Variants in LSM12 observed in about 807,000 individuals in gnomAD.
The protein encoded by LSM12 is LSM12 homolog.
For missense variants in LSM12, 108 were observed against 238.9 expected, an observed-to-expected ratio of 0.45 and a Z score of 3.61; for synonymous variants, 74 against 87.3, an observed-to-expected ratio of 0.85 and a Z score of 0.85.
At chr17:44,036,383 C>A in intron 4 of LSM12, 83 bp from the exon 5 acceptor site, 1 of 1,562,496 alleles carries the variant, frequency 6.4e-7, no homozygotes, top group Admixed American at 1.7e-5. Flanking sequence ...GTTTCCACAG[C>A]CCCATCCTGG....
chr17:44,046,975 C>A (rs2144085543), intron 2 of LSM12, among the ~76,000 whole-genome samples: 1 of 151,576 alleles, frequency 6.6e-6, no homozygotes, highest in South Asian at 2.1e-4. Flanking sequence ...CGTGATCCAC[C>A]CGCCTCGACC....
chr17:44,048,018 A>AAC (rs57164806), intron 2 of LSM12, among the ~76,000 whole-genome samples: 13,868 of 137,276 alleles, frequency 0.1, 789 homozygotes, highest in Middle Eastern at 0.16. Context: ...GTCCGTATTA[A>AAC]ACACACACAC....
chr17:44,040,903 G>A (rs2049479061), intron 2 of LSM12, among the ~76,000 whole-genome samples: 2 of 151,380 alleles, frequency 1.3e-5, no homozygotes. Context: ...AGAATTGCTT[G>A]AACCCAGGAG....
chr17:44,050,969 A>T (rs555684635), intron 2 of LSM12, among the ~76,000 whole-genome samples: 226 of 152,102 alleles, frequency 1.5e-3, no homozygotes, highest in African/African-American at 4.8e-3. Flanking sequence ...CCTACAAAAA[A>T]TTTTTTAACA....
intron 2 of LSM12, among the ~76,000 whole-genome samples, chr17:44,047,742 G>GT (rs528238771): frequency 0.16 from 22,597 of 140,898 alleles, 2,082 homozygotes; most frequent in Non-Finnish European, 0.22. Context: ...TGTTTGTTCT[G>GT]TTTTTTTTTT....
chr17:44,038,688 C>A (rs228754), intron 3 of LSM12, among the ~76,000 whole-genome samples: 116,259 of 152,034 alleles, frequency 0.76, 45,252 homozygotes, highest in East Asian at 0.93. Flanking sequence ...TCCCCATCTT[C>A]CTATGATCTG....
intron 2 of LSM12, among the ~76,000 whole-genome samples, chr17:44,042,124 TA>T (rs1352884435): frequency 1.3e-5 from 2 of 152,002 alleles, no homozygotes; most frequent in Non-Finnish European, 2.9e-5. Flanking sequence ...CCGTCTCTAC[TA>T]AAAATACAAA....
At chr17:44,064,073 G>T in intron 1 of LSM12, 139 bp from the exon 2 acceptor site, 2 of 898,430 alleles carry the variant, frequency 2.2e-6, no homozygotes, top group Non-Finnish European at 3.3e-6. Context: ...AAGAATCACG[G>T]TTCTCCTCAG....
At chr17:44,051,868 G>A (rs554282510) in intron 2 of LSM12, among the ~76,000 whole-genome samples, 3 of 152,174 alleles carry the variant, frequency 2.0e-5, no homozygotes, top group East Asian at 1.9e-4. Flanking sequence ...AGCATTTTGA[G>A]AGGCCGAGGC....
In LSM12 at chr17:44,059,887, G is replaced by A. The variant is rs139294202; in HGVS notation, c.258+3914C>T. Among the ~76,000 whole-genome samples, 185 of 152,270 alleles carry A rather than the reference G, an allele frequency of 1.2e-3. 1 individual carries two copies. Among genetic ancestry groups the A allele is most frequent in the African/African-American group, 4.1e-3 (170 of 41,564 alleles). ...CCTTTGACTAAAGTTAGAGTAGGCC[G>A]GGTGTGGTGGCTCAAGCCTGTAATC... On this transcript the variant is annotated intron_variant, in intron 2 of 4. Transcript: ENST00000293406.
intron 2 of LSM12, among the ~76,000 whole-genome samples, chr17:44,055,285 A>G (rs1308782412): frequency 6.6e-6 from 1 of 152,090 alleles, no homozygotes; most frequent in African/African-American, 2.4e-5. Context: ...ACTTCCTAGT[A>G]AAGTATACAT....
chr17:44,046,315 G>A (rs779372826), intron 2 of LSM12, among the ~76,000 whole-genome samples: 2 of 152,056 alleles, frequency 1.3e-5, no homozygotes, highest in Admixed American at 6.6e-5. Context: ...TTTTACTTTT[G>A]TTAGGTAGAT....
chr17:44,066,657 C>CCGCGA lies in LSM12; in HGVS notation c.-75_-71dup, dbSNP rs1567964860. On this transcript the variant is annotated 5_prime_UTR_variant, in exon 1 of 5. Transcript: ENST00000293406. ...GCGAAAGCCGGGCCCCCAGTGAGCGCCGCGACGCGACGGCGCGCACGGAGC... is the reference window on the plus strand; with the variant it reads ...GCGAAAGCCGGGCCCCCAGTGAGCGCCGCGACGCGACGCGACGGCGCGCACGGAGC... 14 of 1,268,560 alleles carry CCGCGA rather than the reference C, an allele frequency of 1.1e-5. No homozygotes were observed. The highest frequency in any genetic ancestry group is 3.1e-5 in the African/African-American group (2 of 63,712). 78.6% of individuals were successfully genotyped at this position (1,268,560 alleles called of 1,614,324 possible). A position where few individuals can be genotyped will look rare whatever the true frequency, so the allele number is the denominator to read the frequency against.
chr17:44,038,967 G>T (rs72822645), intron 3 of LSM12, among the ~76,000 whole-genome samples: 5 of 152,220 alleles, frequency 3.3e-5, no homozygotes, highest in South Asian at 2.1e-4. Flanking sequence ...AGTGTGGGGT[G>T]GGGGGAGGCG....
intron 2 of LSM12, among the ~76,000 whole-genome samples, chr17:44,050,508 G>A (rs2049628967): frequency 6.7e-6 from 1 of 149,118 alleles, no homozygotes; most frequent in Admixed American, 6.7e-5. Flanking sequence ...GAAAGCTTGT[G>A]CCTGAACATT....
In LSM12 at chr17:44,037,479, G is replaced by A; in HGVS notation, c.428C>T (p.Thr143Ile). 1.2e-6 allele frequency: 2 copies of A among 1,611,276 alleles called. No homozygotes were observed. Among genetic ancestry groups the A allele is most frequent in the Non-Finnish European group, 1.7e-6 (2 of 1,178,902 alleles). ...ACAGTTTTCCACTTGATATGGGGGTGTAATAACAACTTCTTCCATGACTAC... is the reference window on the plus strand; with the variant it reads ...ACAGTTTTCCACTTGATATGGGGGTATAATAACAACTTCTTCCATGACTAC... ...NIVVMEEVVITPPYQVENCKG... is the reference protein window; with the variant it reads ...NIVVMEEVVIIPPYQVENCKG... The change falls in exon 4 of 5, where the codon ACA (threonine) becomes ATA (isoleucine). Residue 143 changes from threonine to isoleucine, a missense_variant. Thr to Ile is a moderately conservative substitution (Grantham distance 89, BLOSUM62 -1). Transcript: ENST00000293406.
upstream of LSM12, among the ~76,000 whole-genome samples, chr17:44,067,082 C>T (rs2049890076): frequency 6.6e-6 from 1 of 152,084 alleles, no homozygotes; most frequent in African/African-American, 2.4e-5. Context: ...GGTGGATCAC[C>T]TGAGGTCAGG....
chr17:44,052,389 T>G (rs144883735), intron 2 of LSM12, among the ~76,000 whole-genome samples: 347 of 150,310 alleles, frequency 2.3e-3, no homozygotes, highest in African/African-American at 8.3e-3. Context: ...AAGGCTGAAG[T>G]GGGAGGATCG....
chr17:44,057,826 GACGTT>G (rs904012888), intron 2 of LSM12, among the ~76,000 whole-genome samples: 16 of 151,826 alleles, frequency 1.1e-4, no homozygotes, highest in Non-Finnish European at 2.1e-4. Flanking sequence ...ACCTACCAAA[GACGTT>G]AAGTGAGAGC....
Sources: gnomAD v4.1 joint callset for allele counts (sites outside exome capture counted in the v4.1 genomes callset) on GRCh38, gnomAD v4.1.1 for gene constraint, MANE v1.5 for transcripts, NCBI Gene and HGNC (gene_info 2026-07-23, HGNC 2026-07-21) for gene names.